SMC4: variants seen among roughly 807,000 people sequenced by gnomAD.
SMC4 encodes the protein structural maintenance of chromosomes 4, also known as structural maintenance of chromosomes protein 4.
SMC4 carries 87 observed loss-of-function variants against 145.6 expected under a neutral mutation model. The ratio of observed to expected loss-of-function variants is 0.60; its 90% CI spans 0.50 to 0.71. The LOEUF (loss-of-function observed/expected upper bound fraction) is 0.71, where lower values mean the gene tolerates loss of function less well. Ranked by LOEUF, SMC4 falls within the 30% of genes least tolerant of loss-of-function variation. The probability of loss-of-function intolerance (pLI) is 0.00; values close to 1 mark genes in which losing one functional copy is unlikely to be tolerated. For missense variants in SMC4, 1,447 were observed against 1,537.1 expected, an observed-to-expected ratio of 0.94 and a Z score of 0.98; for synonymous variants, 558 against 500.7, an observed-to-expected ratio of 1.11 and a Z score of -1.53.
At chr3:160,417,498 G>C in intron 10 of SMC4, 1 of 513,368 alleles carries the variant, frequency 1.9e-6, no homozygotes. Context: ...CGTAATGATC[G>C]ATCTCACAAA....
intron 5 of SMC4, among the ~76,000 whole-genome samples, chr3:160,410,720 G>A (rs900472055): frequency 5.9e-5 from 9 of 152,050 alleles, no homozygotes; most frequent in Non-Finnish European, 1.3e-4. Flanking sequence ...CACTGTTATT[G>A]AATTGTTTAC....
chr3:160,413,999 C>CTA, intron 8 of SMC4: 2 of 334,224 alleles, frequency 6.0e-6, no homozygotes. Flanking sequence ...ACTAGTATCT[C>CTA]TAATTATTTT....
Position 160,413,546 on chromosome 3 carries a change from A to C in SMC4, c.1054A>C (p.Asn352His). ...EKIHEDTKEI[N>H]EKSNILSNEM... ...AATTCATGAAGATACCAAAGAAATT[A>C]ATGAGAAGAGCAATATACTATCAAA... is the stretch of plus-strand genomic sequence containing the variant. The change falls in exon 8 of 24, where the codon AAT (asparagine) becomes CAT (histidine). Residue 352 changes from asparagine to histidine, a missense_variant. Physicochemically the swap from Asn to His is moderately conservative, Grantham distance 68 (BLOSUM62 1). Coordinates refer to ENST00000357388, the MANE Select transcript of SMC4 (RefSeq NM_001002800.3). 6.4e-7 allele frequency: 1 copy of C among 1,560,738 alleles called. No individual in the cohort carries two copies. The highest frequency in any genetic ancestry group is 1.2e-5 in the South Asian group (1 of 85,088).
At chr3:160,411,208 T>C (rs368175582) in intron 5 of SMC4, among the ~76,000 whole-genome samples, 1 of 152,342 alleles carries the variant, frequency 6.6e-6, no homozygotes, top group African/African-American at 2.4e-5. Flanking sequence ...ATATTAGTGA[T>C]TACAAACTGA....
rs115345640 is a variant in SMC4, at chr3:160,412,845, G to A, written c.980+392G>A. On this transcript the variant is annotated intron_variant, in intron 7 of 23. Transcript: ENST00000357388. The stretch of plus-strand genomic sequence containing the variant: ...ACTTTTTAGTATCCTGCTTTAAGTT[G>A]GGAGGTAGGTTCACAGGTATTTATT... The A allele has an allele frequency of 3.5e-3, 3,430 of 981,492 alleles. 59 individuals carry two copies. The African/African-American group carries it at 0.04, about 11-fold the overall frequency. The allele number at this position is 981,492 out of a possible 1,614,324, so 60.8% of individuals were successfully genotyped here.
intron 5 of SMC4, among the ~76,000 whole-genome samples, chr3:160,405,851 T>A (rs1238043133): frequency 6.6e-6 from 1 of 152,046 alleles, no homozygotes; most frequent in Non-Finnish European, 1.5e-5. Flanking sequence ...TAAAAAGTTA[T>A]GTCCCTATAT....
chr3:160,420,712 CTT>C, intron 12 of SMC4, 26 bp from the exon 13 acceptor site: 1 of 1,603,894 alleles, frequency 6.2e-7, no homozygotes. Flanking sequence ...CTGCCTAACT[CTT>C]TTTTCACCCC....
At chr3:160,412,550 G>GA (rs1319687983) in intron 7 of SMC4, 97 bp downstream of exon 7, 14 of 1,413,376 alleles carry the variant, frequency 9.9e-6, no homozygotes, top group East Asian at 8.0e-5. Flanking sequence ...AGACTGAAGT[G>GA]AAAAAAAATC....
Position 160,423,741 on chromosome 3 carries a change from TTC to T in SMC4, c.2246-15_2246-14del. On this transcript the variant is annotated intron_variant, in intron 14 of 23. Coordinates refer to ENST00000357388, the MANE Select transcript of SMC4 (RefSeq NM_001002800.3). ...TGTTGGGGAGACATCTGAAGCTGAC[TTC>T]TCTCCCCTGTTTTCCAGGTACAATG... 1 of 1,610,254 alleles carries T rather than the reference TTC, an allele frequency of 6.2e-7. No individual in the cohort carries two copies. The highest frequency in any genetic ancestry group is 8.5e-7 in the Non-Finnish European group (1 of 1,177,768).
At chr3:160,401,280 G>A (rs533243354) in intron 2 of SMC4, among the ~76,000 whole-genome samples, 1 of 151,952 alleles carries the variant, frequency 6.6e-6, no homozygotes, top group Admixed American at 6.5e-5. Context: ...AAATCGAGAC[G>A]GTCAATCAAG....
chr3:160,401,649 G>GTA (rs530174860), intron 2 of SMC4, among the ~76,000 whole-genome samples: 54 of 152,272 alleles, frequency 3.5e-4, no homozygotes, highest in Non-Finnish European at 7.4e-4. Context: ...CTCTTAAGAG[G>GTA]TATAGGTGTA....
rs780400107 is a variant in SMC4, at chr3:160,433,718, C to T, written c.3776C>T (p.Ser1259Leu). Residue 1259 changes from serine (S) to leucine (L), a missense_variant, in exon 24 of 24, where the codon TCG becomes TTG. Transcript: ENST00000357388. ...ISLRNNMFEI[S>L]DRLIGIYKTY... ...CTTCGAAATAATATGTTTGAGATTT[C>T]GGATAGACTTATTGGAATTTACAAG... 3.2e-6 allele frequency: 5 copies of T among 1,586,224 alleles called. No homozygotes were observed. Among genetic ancestry groups the T allele is most frequent in the Non-Finnish European group, 3.4e-6 (4 of 1,163,978 alleles).
chr3:160,426,118 A>G lies in SMC4; in HGVS notation c.2523A>G (p.Glu841=). The change falls in exon 17 of 24, where the codon GAA becomes GAG. Residue 841 remains glutamate, a synonymous_variant. Coordinates refer to ENST00000357388, the MANE Select transcript of SMC4 (RefSeq NM_001002800.3). The stretch of plus-strand genomic sequence containing the variant: ...AATATTTGAATGTCCAAGTTAAGGA[A>G]CTTGAAGCTAATGTACTTGCTACAG... The part of the protein sequence containing the change: ...QEEYLNVQVK[E]LEANVLATAP... The G allele has an allele frequency of 6.2e-7, 1 of 1,608,738 alleles. No homozygotes were observed. Among genetic ancestry groups the G allele is most frequent in the East Asian group, 2.2e-5 (1 of 44,744 alleles).
chr3:160,428,604 G>GTTT, intron 17 of SMC4, 149 bp from the exon 18 acceptor site: 14 of 534,554 alleles, frequency 2.6e-5, no homozygotes, highest in East Asian at 1.1e-4. Context: ...ACAGGATATC[G>GTTT]TTTTTTTTTT....
At chr3:160,424,664 G>A (rs144351388) in intron 15 of SMC4, among the ~76,000 whole-genome samples, 37 of 152,174 alleles carry the variant, frequency 2.4e-4, no homozygotes, top group Non-Finnish European at 4.7e-4. Flanking sequence ...AAAATTAGCC[G>A]GGCGTGGTGG....
chr3:160,412,717 G>A (rs920512088), intron 7 of SMC4: 2 of 764,472 alleles, frequency 2.6e-6, no homozygotes, highest in Non-Finnish European at 3.3e-6. Context: ...GAATTATGTG[G>A]TGAACTTATC....
At chr3:160,420,459 T>A (rs1053784961) in intron 12 of SMC4, 2 of 331,172 alleles carry the variant, frequency 6.0e-6, no homozygotes, top group African/African-American at 4.4e-5. Context: ...TTTTCAATAA[T>A]TCAAAGTTTT....
At position 160,412,381 on chromosome 3, in the gene SMC4, A is replaced by G. The variant is rs1236378631; in HGVS notation, c.908A>G (p.Asn303Ser). Reference sequence around the variant, plus strand: ...AAGGATGCCTTAGAAGGAGAGAAAAACATAGCTATCGAATTTCTTACCTTG... The same window carrying G: ...AAGGATGCCTTAGAAGGAGAGAAAAGCATAGCTATCGAATTTCTTACCTTG... ...KEKDALEGEK[N>S]IAIEFLTLEN... The change falls in exon 7 of 24, where the codon AAC (asparagine) becomes AGC (serine). Residue 303 changes from asparagine (N) to serine (S), a missense_variant. Physicochemically the swap from Asn to Ser is conservative, Grantham distance 46. Transcript: ENST00000357388. 7.5e-6 allele frequency: 12 copies of G among 1,604,956 alleles called. No homozygotes were observed. Among genetic ancestry groups the G allele is most frequent in the Non-Finnish European group, 9.4e-6 (11 of 1,172,240 alleles).
intron 5 of SMC4, among the ~76,000 whole-genome samples, chr3:160,408,853 A>T (rs1215951309): frequency 1.3e-5 from 2 of 152,150 alleles, no homozygotes; most frequent in African/African-American, 4.8e-5. Flanking sequence ...GAGCAACAAG[A>T]AAAGTCCCAG....
Sources: gnomAD v4.1 joint callset for allele counts (sites outside exome capture counted in the v4.1 genomes callset) on GRCh38, gnomAD v4.1.1 for gene constraint, MANE v1.5 for transcripts, NCBI Gene and HGNC (gene_info 2026-07-23, HGNC 2026-07-21) for gene names.